The following DIAPH2 variants were observed in gnomAD, a reference collection of about 807,000 sequenced individuals.
DIAPH2 encodes diaphanous related formin 2.
A neutral mutation model predicts 92.7 loss-of-function variants in DIAPH2; 35 were observed. The observed-to-expected ratio is 0.38, with a 90% CI of 0.29 to 0.50. The LOEUF is 0.50. Among genes scored for constraint, DIAPH2 ranks in the 20% least tolerant of loss-of-function variants. The probability of loss-of-function intolerance (pLI) is 0.94; values close to 1 mark genes in which losing one functional copy is unlikely to be tolerated. For missense variants in DIAPH2, 701 were observed against 819.5 expected, an observed-to-expected ratio of 0.86 and a Z score of 1.77; for synonymous variants, 301 against 280.4, an observed-to-expected ratio of 1.07 and a Z score of -0.73.
At chrX:96,963,738 T>C (rs1269807993) in intron 16 of DIAPH2, among the ~76,000 whole-genome samples, 2 of 111,615 alleles carry the variant, frequency 1.8e-5, no homozygotes, top group Non-Finnish European at 3.8e-5. Context: ...TTCCAGTGTT[T>C]TTACATGTTG....
chrX:97,542,082 A>G lies in DIAPH2; in HGVS notation c.3242-57171A>G, dbSNP rs775910778. The stretch of plus-strand genomic sequence containing the variant: ...TCTGGTAGTTTTTGCATATAAGCCT[A>G]CTTGGAAGCACTGTGTAGGCCTAAC... On this transcript the variant is annotated intron_variant, in intron 26 of 26. Coordinates refer to ENST00000324765, the MANE Select transcript of DIAPH2 (RefSeq NM_006729.5). 4.4e-5 allele frequency among the ~76,000 whole-genome samples: 5 copies of G among 112,567 alleles called. No homozygotes were observed. In the Admixed American group the frequency reaches 4.7e-4, roughly 11 times the overall value.
At chrX:97,469,704 T>G (rs767564035) in intron 26 of DIAPH2, 1 of 1,207,793 alleles carries the variant, frequency 8.3e-7, no homozygotes, top group Non-Finnish European at 1.1e-6. Context: ...TGGTAAATCA[T>G]CCCTGTGCAA....
In DIAPH2 at chrX:97,174,129, C is replaced by T. The variant is rs186035344; in HGVS notation, c.2719+32335C>T. ...ATAAAATATATAATAATTGCATATG[C>T]GCATGATAATTTTTATATGCACTCA... On this transcript the variant is annotated intron_variant, in intron 22 of 26. Transcript: ENST00000324765. Among the ~76,000 whole-genome samples the T allele has an allele frequency of 2.2e-3, 228 of 105,517 alleles. 3 individuals carry two copies. Among genetic ancestry groups the T allele is most frequent in the African/African-American group, 7.3e-3 (213 of 29,220 alleles). 91.6% of individuals were successfully genotyped at this position (105,517 alleles called of 115,157 possible).
chrX:96,770,883 C>T (rs1450532242), intron 4 of DIAPH2, among the ~76,000 whole-genome samples: 3 of 111,911 alleles, frequency 2.7e-5, no homozygotes, highest in East Asian at 2.8e-4. Context: ...TTATATGCAA[C>T]GAGTAGCTAC....
At chrX:96,872,866 G>A (rs1327833025) in intron 4 of DIAPH2, among the ~76,000 whole-genome samples, 3 of 111,454 alleles carry the variant, frequency 2.7e-5, no homozygotes, top group Non-Finnish European at 3.8e-5. Context: ...TGGCTATTGT[G>A]AATACTGCTG....
intron 23 of DIAPH2, among the ~76,000 whole-genome samples, chrX:97,254,672 T>A (rs1237309328): frequency 9.1e-6 from 1 of 110,046 alleles, no homozygotes; most frequent in Admixed American, 9.7e-5. Flanking sequence ...ATGAAGTAGG[T>A]ACTATTACTA....
intron 21 of DIAPH2, among the ~76,000 whole-genome samples, chrX:97,120,110 T>A (rs1350018794): frequency 8.9e-6 from 1 of 111,771 alleles, no homozygotes; most frequent in Non-Finnish European, 1.9e-5. Flanking sequence ...GAGACTTTCT[T>A]CTCCTTGTGG....
chrX:97,173,642 A>G (rs761767020), intron 22 of DIAPH2, among the ~76,000 whole-genome samples: 1 of 111,786 alleles, frequency 8.9e-6, no homozygotes, highest in South Asian at 3.8e-4. Flanking sequence ...CTGGTGGCTC[A>G]GACCTGTAAT....
intron 26 of DIAPH2, among the ~76,000 whole-genome samples, chrX:97,452,605 A>G (rs2070368393): frequency 8.9e-6 from 1 of 112,106 alleles, no homozygotes; most frequent in African/African-American, 3.2e-5. Flanking sequence ...AAGGAATTGT[A>G]CCACATGAAG....
intron 24 of DIAPH2, among the ~76,000 whole-genome samples, chrX:97,364,782 T>A (rs2069364059): frequency 1.1e-5 from 1 of 91,918 alleles, no homozygotes; most frequent in Non-Finnish European, 2.2e-5. Context: ...TTTTTTTGGA[T>A]CTCCTTCCTT....
At chrX:96,878,297 G>C (rs1185998269) in intron 4 of DIAPH2, among the ~76,000 whole-genome samples, 1 of 111,696 alleles carries the variant, frequency 9.0e-6, no homozygotes, top group Non-Finnish European at 1.9e-5. Context: ...GTAGTATATA[G>C]TAGAGACAGG....
At chrX:96,697,812 T>G (rs1272670888) in intron 1 of DIAPH2, among the ~76,000 whole-genome samples, 1 of 110,062 alleles carries the variant, frequency 9.1e-6, no homozygotes, top group Non-Finnish European at 1.9e-5. Flanking sequence ...AGCCTAGATT[T>G]GCACTCTGCT....
chrX:97,504,381 G>A (rs921641558), intron 26 of DIAPH2, among the ~76,000 whole-genome samples: 1 of 112,004 alleles, frequency 8.9e-6, no homozygotes. Context: ...ATAATGCTTG[G>A]CTGCCCTGCC....
chrX:96,750,121 G>T (rs187452173), intron 3 of DIAPH2, among the ~76,000 whole-genome samples: 39 of 96,064 alleles, frequency 4.1e-4, no homozygotes, highest in African/African-American at 1.4e-3. Context: ...GCAGCTGCGC[G>T]ATCTCTGCTC....
chrX:96,768,533 A>G (rs1335662849), intron 4 of DIAPH2, among the ~76,000 whole-genome samples: 1 of 112,140 alleles, frequency 8.9e-6, no homozygotes, highest in Non-Finnish European at 1.9e-5. Context: ...AGACAATATG[A>G]CACATATAAA....
chrX:97,237,583 AT>A (rs200891851), intron 22 of DIAPH2, among the ~76,000 whole-genome samples: 43 of 103,889 alleles, frequency 4.1e-4, no homozygotes, highest in East Asian at 8.8e-4. Flanking sequence ...TCTTTTTTCT[AT>A]TTTTTTTTTT....
intron 4 of DIAPH2, among the ~76,000 whole-genome samples, chrX:96,772,296 G>A (rs2064344339): frequency 8.9e-6 from 1 of 111,800 alleles, no homozygotes; most frequent in Non-Finnish European, 1.9e-5. Flanking sequence ...TAAGCTACGT[G>A]TTATATGTAT....
chrX:97,351,732 G>A (rs1369320429), intron 24 of DIAPH2, among the ~76,000 whole-genome samples: 5 of 110,910 alleles, frequency 4.5e-5, no homozygotes, highest in East Asian at 2.8e-4. Flanking sequence ...GAACCTGGGA[G>A]GCGGAGCTTG....
chrX:96,937,514 A>C (rs2065665220), intron 11 of DIAPH2, among the ~76,000 whole-genome samples, 163 bp downstream of exon 11: 1 of 111,686 alleles, frequency 9.0e-6, no homozygotes, highest in Non-Finnish European at 1.9e-5. Context: ...ATTCATGTTG[A>C]GGAATTGTCA....
Sources: gnomAD v4.1 joint callset for allele counts (sites outside exome capture counted in the v4.1 genomes callset) on GRCh38, gnomAD v4.1.1 for gene constraint, MANE v1.5 for transcripts, NCBI Gene and HGNC (gene_info 2026-07-23, HGNC 2026-07-21) for gene names.